AANAT: variants seen among roughly 807,000 people sequenced by gnomAD.
The protein encoded by AANAT is serotonin N-acetyltransferase.
A neutral mutation model predicts 15.6 loss-of-function variants in AANAT; 11 were observed. That is an observed-to-expected ratio of 0.71 (90% confidence interval 0.44 to 1.17). The LOEUF is 1.17. Ranked by LOEUF, AANAT falls within the 50% of genes most tolerant of loss-of-function variation. The pLI, the probability that AANAT is intolerant of heterozygous loss-of-function variation, is 0.00. For synonymous variants in AANAT, 139 were observed against 131.5 expected (o/e 1.06, Z -0.39); for missense variants, 286 against 296.3 (o/e 0.97, Z 0.26).
chr17:76,459,516 G>A (rs974781496), intron 2 of AANAT: 1 of 152,234 alleles, frequency 6.6e-6, no homozygotes, highest in East Asian at 1.9e-4. Context: ...TCAAAGCCTG[G>A]GTCTTGGCCC....
rs2073489788 is a variant in AANAT at position 76,469,490 on chromosome 17, A to T, written c.318+163A>T. On this transcript the variant is annotated intron_variant, in intron 3 of 3. Transcript: ENST00000392492. The surrounding 1 kb of genome is among the most constrained non-coding windows in gnomAD (Gnocchi z 5.2). ...CCAGAGCAAGACCTTCTGGGTCTTCAAGTTTTCTCCATGGGGTTGGGGGTA... is the reference window on the plus strand; with the variant it reads ...CCAGAGCAAGACCTTCTGGGTCTTCTAGTTTTCTCCATGGGGTTGGGGGTA... Among the ~76,000 whole-genome samples the T allele has an allele frequency of 6.6e-6, 1 of 152,194 alleles. No homozygotes were observed. The highest frequency in any genetic ancestry group is 1.5e-5 in the Non-Finnish European group (1 of 68,028).
At chr17:76,454,092 AAC>A (rs2073312007) in intron 1 of AANAT, among the ~76,000 whole-genome samples, 1 of 152,224 alleles carries the variant, frequency 6.6e-6, no homozygotes, top group Non-Finnish European at 1.5e-5. Context: ...CGATAAGCTT[AAC>A]CATTGTTGTA....
At chr17:76,466,318 T>G, upstream of AANAT, 1 of 1,063,562 alleles carries the variant, frequency 9.4e-7, no homozygotes, top group East Asian at 3.2e-5. Flanking sequence ...AGAGGTCTGT[T>G]GAGGGTCCCT....
rs530714411 is a variant in AANAT at position 76,461,174 on chromosome 17, A to G, written c.-455-1142A>G. 3.1e-3 allele frequency among the ~76,000 whole-genome samples: 465 copies of G among 151,616 alleles called. 1 individual carries two copies. The highest frequency in any genetic ancestry group is 0.011 in the African/African-American group (437 of 41,300). ...AGTGAGATTCCATCTTAAAAAAAAA[A>G]CAAAAACAAAAACAAAAAAACAGAA... On this transcript the variant is annotated intron_variant, in intron 2 of 6. Coordinates refer to the AANAT transcript ENST00000250615.
chr17:76,467,177 A>G (rs2073447192), upstream of AANAT, among the ~76,000 whole-genome samples: 1 of 152,190 alleles, frequency 6.6e-6, no homozygotes, highest in South Asian at 2.1e-4. Context: ...GATGTTTGGT[A>G]GGGCAACCTC....
At chr17:76,459,015 T>G (rs1441308181) in intron 1 of AANAT, among the ~76,000 whole-genome samples, 1 of 152,204 alleles carries the variant, frequency 6.6e-6, no homozygotes, top group Non-Finnish European at 1.5e-5. Flanking sequence ...GAGCCTCACC[T>G]GCTCCTTGCA....
Position 76,468,761 on chromosome 17 carries a change from C to G in AANAT, c.15C>G (p.Ser5Arg), listed in dbSNP as rs201897313. 3 of 1,612,514 alleles carry G rather than the reference C, an allele frequency of 1.9e-6. No homozygotes were observed. In the East Asian group the frequency reaches 6.7e-5, roughly 36 times the overall value. Residue 5 changes from serine (S) to arginine (R), a missense_variant, in exon 2 of 4, where the codon AGC becomes AGG. By Grantham distance (110) the Ser-to-Arg change is moderately radical (BLOSUM62 -1). Coordinates refer to ENST00000392492, the MANE Select transcript of AANAT (RefSeq NM_001088.3). ...CAGTGGCCAGAATGTCCACGCAGAG[C>G]ACCCACCCCCTGAAACCTGAGGCCC... The part of the protein sequence containing the change: MSTQ[S>R]THPLKPEAPR...
chr17:76,464,084 T>G (rs2073414940), upstream of AANAT, among the ~76,000 whole-genome samples: 1 of 152,116 alleles, frequency 6.6e-6, no homozygotes, highest in South Asian at 2.1e-4. Context: ...CTCACGCCTG[T>G]AATCCCAACA....
chr17:76,465,970 C>G (rs1340793787), upstream of AANAT: 20 of 579,342 alleles, frequency 3.5e-5, no homozygotes, highest in East Asian at 5.4e-4. Context: ...CCGTCTCTGT[C>G]TCCCAAAGTG....
upstream of AANAT, among the ~76,000 whole-genome samples, chr17:76,462,710 C>T (rs139213652): frequency 2.0e-5 from 3 of 152,280 alleles, no homozygotes; most frequent in African/African-American, 4.8e-5. Flanking sequence ...AAGGTAAAGA[C>T]GATAACGCGA....
rs531321566 is a variant in AANAT at position 76,455,725 on chromosome 17, A to C, written c.-576+1943A>C. Among the ~76,000 whole-genome samples the C allele has an allele frequency of 5.3e-5, 8 of 152,338 alleles. No individual in the cohort carries two copies. The South Asian group carries it at 1.4e-3, about 28-fold the overall frequency. The stretch of plus-strand genomic sequence containing the variant: ...TGAAGATACAGAACTATGTTCATAG[A>C]AAAGTTGGTTGGGTGTGGTGGCTCA... On this transcript the variant is annotated intron_variant, in intron 1 of 6. Transcript: ENST00000250615.
chr17:76,466,763 G>A (rs148480152), upstream of AANAT, among the ~76,000 whole-genome samples: 50 of 152,294 alleles, frequency 3.3e-4, no homozygotes, highest in African/African-American at 1.1e-3. Flanking sequence ...TAAAGGAGAC[G>A]CGTATCCAGG....
chr17:76,455,650 GT>G (rs1219637438), intron 1 of AANAT, among the ~76,000 whole-genome samples: 1 of 152,098 alleles, frequency 6.6e-6, no homozygotes, highest in Non-Finnish European at 1.5e-5. Context: ...CAGTATTTAG[GT>G]TCTTCAAAGA....
Position 76,467,705 on chromosome 17 carries a change from T to C in AANAT, c.-98T>C. ...GCTAGCGGCTTTGTGGAGGGAACAC[T>C]GGGTATCCTCTCCACAGTCCAGGTA... On this transcript the variant is annotated 5_prime_UTR_variant, in exon 1 of 4. Transcript: ENST00000392492. The C allele has an allele frequency of 1.0e-6, 1 of 985,452 alleles. No homozygotes were observed. Among genetic ancestry groups the C allele is most frequent in the South Asian group, 4.7e-5 (1 of 21,296 alleles). The allele number at this position is 985,452 out of a possible 1,614,324, so 61.0% of individuals were successfully genotyped here. A position where few individuals can be genotyped will look rare whatever the true frequency, so the allele number is the denominator to read the frequency against.
Position 76,470,027 on chromosome 17 carries a change from T to C in AANAT, c.*57T>C, listed in dbSNP as rs1353709607. On this transcript the variant is annotated 3_prime_UTR_variant, in exon 4 of 4. Coordinates refer to ENST00000392492, the MANE Select transcript of AANAT (RefSeq NM_001088.3). The stretch of plus-strand genomic sequence containing the variant: ...CCCCGTCTCTGCCCTGGGCTCCTCT[T>C]AGCTCAGCTGAGCATGGAGACAGCA... The C allele has an allele frequency of 3.5e-6, 5 of 1,416,686 alleles. No individual in the cohort carries two copies. Among genetic ancestry groups the C allele is most frequent in the Non-Finnish European group, 4.7e-6 (5 of 1,073,950 alleles). The allele number at this position is 1,416,686 out of a possible 1,614,324, so 87.8% of individuals were successfully genotyped here.
chr17:76,464,555 C>G (rs558605516), upstream of AANAT, among the ~76,000 whole-genome samples: 1 of 152,060 alleles, frequency 6.6e-6, no homozygotes, highest in South Asian at 2.1e-4. Flanking sequence ...GGCAGGGTGG[C>G]ATGGTACACA....
chr17:76,469,602 T>G lies in AANAT; in HGVS notation c.319-63T>G. The stretch of plus-strand genomic sequence containing the variant: ...GACACCTGCTCCCTGCCTGGGTTGG[T>G]GGTTGGGGGGGAGCACGTGTCAGCA... On this transcript the variant is annotated intron_variant, in intron 3 of 3. Transcript: ENST00000392492. This position sits in a 1 kb window ranked among gnomAD's most constrained non-coding sequence, Gnocchi z 5.2. The G allele has an allele frequency of 7.1e-7, 1 of 1,416,602 alleles. No homozygotes were observed. The highest frequency in any genetic ancestry group is 9.2e-7 in the Non-Finnish European group (1 of 1,083,900). The allele number at this position is 1,416,602 out of a possible 1,614,324, so 87.8% of individuals were successfully genotyped here.
At chr17:76,458,811 C>T (rs1442786037) in intron 1 of AANAT, among the ~76,000 whole-genome samples, 2 of 152,214 alleles carry the variant, frequency 1.3e-5, no homozygotes, top group Non-Finnish European at 2.9e-5. Context: ...AGAGCTCCTT[C>T]CACCCTGGAG....
At chr17:76,461,248 C>T (rs2073385599) in intron 2 of AANAT, among the ~76,000 whole-genome samples, 2 of 151,970 alleles carry the variant, frequency 1.3e-5, no homozygotes. Context: ...GGCACGATGC[C>T]ACATTCTCAA....
Sources: gnomAD v4.1 joint callset for allele counts (sites outside exome capture counted in the v4.1 genomes callset) on GRCh38, gnomAD v4.1.1 for gene constraint, Gnocchi (gnomAD v3.1) non-coding constraint, MANE v1.5 for transcripts, NCBI Gene and HGNC (gene_info 2026-07-23, HGNC 2026-07-21) for gene names.